Variants in MYH10 observed in about 807,000 individuals in gnomAD.
MYH10 encodes myosin heavy chain 10.
In MYH10, 55 loss-of-function variants were observed where a neutral mutation model predicts 257.8. The ratio of observed to expected loss-of-function variants is 0.21; its 90% CI spans 0.17 to 0.27. The LOEUF (loss-of-function observed/expected upper bound fraction) is 0.27. Among genes scored for constraint, MYH10 ranks in the 10% least tolerant of loss-of-function variants. The probability of loss-of-function intolerance (pLI) is 1.00; values close to 1 mark genes in which losing one functional copy is unlikely to be tolerated. For synonymous variants in MYH10, 854 were observed against 921.7 expected, an observed-to-expected ratio of 0.93 and a Z score of 1.33; for missense variants, 1,631 against 2,500.6, an observed-to-expected ratio of 0.65 and a Z score of 7.42.
intron 28 of MYH10, among the ~76,000 whole-genome samples, chr17:8,503,587 C>T (rs1421991065): frequency 3.3e-5 from 5 of 152,158 alleles, no homozygotes; most frequent in Admixed American, 1.3e-4. Context: ...TTTCCACGAC[C>T]AAGTGCCCAG....
intron 4 of MYH10, among the ~76,000 whole-genome samples, chr17:8,581,281 T>G (rs1328368822): frequency 6.6e-6 from 1 of 152,234 alleles, no homozygotes; most frequent in African/African-American, 2.4e-5. Context: ...TTAGAAATAC[T>G]GAGTGTTTCC....
chr17:8,492,253 G>A lies in MYH10; in HGVS notation c.4671+44C>T, dbSNP rs749479742. 1.4e-5 allele frequency: 22 copies of A among 1,584,504 alleles called. No individual in the cohort carries two copies. In the East Asian group the frequency reaches 3.6e-4, roughly 26 times the overall value. On this transcript the variant is annotated intron_variant, in intron 34 of 42. Coordinates refer to ENST00000360416, the MANE Select transcript of MYH10 (RefSeq NM_001256012.3). The stretch of plus-strand genomic sequence containing the variant: ...CCTGTGTGAAGGCCCAGGCCCCTGG[G>A]ATACTCTCCCGTGCGGAAGTGTGGA...
At chr17:8,495,769 G>A (rs1916493026) in intron 30 of MYH10, among the ~76,000 whole-genome samples, 1 of 151,856 alleles carries the variant, frequency 6.6e-6, no homozygotes, top group Non-Finnish European at 1.5e-5. Flanking sequence ...GAGTGCAGTG[G>A]TGCAATCTGG....
intron 17 of MYH10, among the ~76,000 whole-genome samples, chr17:8,526,832 G>A (rs1259255519): frequency 2.0e-5 from 3 of 152,142 alleles, no homozygotes; most frequent in Non-Finnish European, 4.4e-5. Context: ...TTACTTTCAA[G>A]TATTTAAGCT....
intron 3 of MYH10, among the ~76,000 whole-genome samples, chr17:8,602,926 T>C (rs2084665762): frequency 6.6e-6 from 1 of 152,206 alleles, no homozygotes; most frequent in African/African-American, 2.4e-5. Context: ...ATGTTTATTC[T>C]AGCACTAAAA....
chr17:8,504,644 G>T lies in MYH10; in HGVS notation c.3599+50C>A. 1 of 1,531,078 alleles carries T rather than the reference G, an allele frequency of 6.5e-7. No individual in the cohort carries two copies. The highest frequency in any genetic ancestry group is 1.1e-5 in the South Asian group (1 of 87,702). The allele number at this position is 1,531,078 out of a possible 1,614,324, so 94.8% of individuals were successfully genotyped here. On this transcript the variant is annotated intron_variant, in intron 28 of 42. Transcript: ENST00000360416. The surrounding 1 kb of genome is among the most constrained non-coding windows in gnomAD (Gnocchi z 5.6). ...ACACCAGGCATTTCTGCACGGGCTCGGTGGAGAGGTCGGCAGGCGCCCGGG... is the reference window on the plus strand; with the variant it reads ...ACACCAGGCATTTCTGCACGGGCTCTGTGGAGAGGTCGGCAGGCGCCCGGG...
intron 6 of MYH10, among the ~76,000 whole-genome samples, chr17:8,574,670 A>C (rs79115056): frequency 0.023 from 3,459 of 152,344 alleles, 138 homozygotes; most frequent in African/African-American, 0.078. Flanking sequence ...AAAATGCTGG[A>C]TGTACACTCA....
At chr17:8,516,909 C>CG (rs1195555326) in intron 21 of MYH10, among the ~76,000 whole-genome samples, 1 of 151,918 alleles carries the variant, frequency 6.6e-6, no homozygotes, top group Non-Finnish European at 1.5e-5. Context: ...GAGGCTGAGG[C>CG]GGGTGGATCA....
chr17:8,484,748 A>C (rs1914474451), intron 36 of MYH10, among the ~76,000 whole-genome samples: 1 of 152,228 alleles, frequency 6.6e-6, no homozygotes, highest in African/African-American at 2.4e-5. Context: ...GACAAAATCT[A>C]ATACCCTTTC....
intron 3 of MYH10, among the ~76,000 whole-genome samples, 168 bp downstream of exon 3, chr17:8,604,658 G>A (rs2152075481): frequency 6.6e-6 from 1 of 152,146 alleles, no homozygotes; most frequent in South Asian, 2.1e-4. Flanking sequence ...AAATGGCTGT[G>A]TTGTCTGTTT....
chr17:8,546,709 C>G (rs2082455423), intron 11 of MYH10, 47 bp from the exon 12 acceptor site: 2 of 1,387,784 alleles, frequency 1.4e-6, no homozygotes, highest in Non-Finnish European at 2.0e-6. Flanking sequence ...TACTTACAAT[C>G]TACTCACAAT....
At chr17:8,609,101 G>A (rs2084927627) in intron 2 of MYH10, among the ~76,000 whole-genome samples, 2 of 152,168 alleles carry the variant, frequency 1.3e-5, no homozygotes, top group South Asian at 4.1e-4. Flanking sequence ...ATGAGCCACC[G>A]CGCCCAGCCG....
chr17:8,558,588 T>G (rs2082885581), intron 7 of MYH10, among the ~76,000 whole-genome samples: 1 of 152,236 alleles, frequency 6.6e-6, no homozygotes, highest in African/African-American at 2.4e-5. Flanking sequence ...AGTTGTAACA[T>G]CTACTATGTT....
intron 23 of MYH10, 109 bp downstream of exon 23, chr17:8,513,429 T>A: frequency 6.8e-7 from 1 of 1,463,262 alleles, no homozygotes; most frequent in Non-Finnish European, 9.0e-7. Context: ...TAAAATAAGA[T>A]GATATGGTGG....
intron 7 of MYH10, chr17:8,560,561 C>G (rs1334985240): frequency 6.4e-6 from 5 of 785,482 alleles, no homozygotes; most frequent in Admixed American, 5.6e-5. Context: ...GACAAAGTTC[C>G]AAAAACAGTG....
intron 31 of MYH10, among the ~76,000 whole-genome samples, chr17:8,494,601 T>C (rs569996604): frequency 1.3e-5 from 2 of 152,264 alleles, no homozygotes; most frequent in East Asian, 3.9e-4. Context: ...CACTCATAAG[T>C]GTTTGTAAAT....
At position 8,475,799 on chromosome 17, in the gene MYH10, C is replaced by T. The variant is rs750423991; in HGVS notation, c.*5G>A. On this transcript the variant is annotated 3_prime_UTR_variant, in exon 43 of 43. Transcript: ENST00000360416. Reference sequence around the variant, plus strand: ...CTGTATTGCCTCCTCTGGCTTCCTGCAACTTTACTCTGACTGGGGTGGCTG... The same window carrying T: ...CTGTATTGCCTCCTCTGGCTTCCTGTAACTTTACTCTGACTGGGGTGGCTG... 17 of 1,613,380 alleles carry T rather than the reference C, an allele frequency of 1.1e-5. No homozygotes were observed. The highest frequency in any genetic ancestry group is 1.7e-4 in the Middle Eastern group (1 of 6,058).
At chr17:8,595,408 C>A (rs1294259887) in intron 3 of MYH10, among the ~76,000 whole-genome samples, 1 of 149,462 alleles carries the variant, frequency 6.7e-6, no homozygotes, top group Non-Finnish European at 1.5e-5. Context: ...TATGCTGTCT[C>A]CCCAGTAAGA....
intron 3 of MYH10, among the ~76,000 whole-genome samples, chr17:8,604,063 G>A (rs570077928): frequency 7.6e-4 from 116 of 152,210 alleles, no homozygotes; most frequent in South Asian, 2.1e-3. Flanking sequence ...AGCACAGCCC[G>A]TTTTCTGAAG....
Sources: allele counts gnomAD v4.1 joint callset (sites outside exome capture counted in the v4.1 genomes callset), GRCh38; gene constraint gnomAD v4.1.1; non-coding constraint Gnocchi (gnomAD v3.1); transcripts MANE v1.5; gene names NCBI Gene and HGNC (gene_info 2026-07-23, HGNC 2026-07-21).